JARID2: variants seen among roughly 807,000 people sequenced by gnomAD.
JARID2 encodes the protein jumonji and AT-rich interaction domain containing 2, also known as protein Jumonji.
In JARID2, 21 loss-of-function variants were observed where a neutral mutation model predicts 125.6. That is an observed-to-expected ratio of 0.17 (90% confidence interval 0.12 to 0.24). The LOEUF (loss-of-function observed/expected upper bound fraction) is 0.24. Among genes scored for constraint, JARID2 ranks in the 10% least tolerant of loss-of-function variants. JARID2 has a pLI of 1.00. For missense variants in JARID2, 1,303 were observed against 1,639.6 expected, an observed-to-expected ratio of 0.79 and a Z score of 3.55; for synonymous variants, 736 against 661.6, an observed-to-expected ratio of 1.11 and a Z score of -1.73.
At chr6:15,279,280 C>T (rs1311712431) in intron 1 of JARID2, among the ~76,000 whole-genome samples, 3 of 152,180 alleles carry the variant, frequency 2.0e-5, no homozygotes, top group African/African-American at 7.2e-5. Context: ...GTATTTTCAA[C>T]ATTAGTGAAA....
At chr6:15,499,521 G>A (rs891462928) in intron 7 of JARID2, among the ~76,000 whole-genome samples, 28 of 152,182 alleles carry the variant, frequency 1.8e-4, no homozygotes, top group Admixed American at 1.6e-3. Context: ...TGAGTCACTC[G>A]GACGGTGGAG....
At chr6:15,366,527 T>A (rs1174765001) in intron 1 of JARID2, among the ~76,000 whole-genome samples, 9 of 29,020 alleles carry the variant, frequency 3.1e-4, no homozygotes, top group South Asian at 1.6e-3. Context: ...GCGGGGGGGG[T>A]GGGGGGTGGG....
intron 2 of JARID2, among the ~76,000 whole-genome samples, chr6:15,400,195 G>A (rs986388337): frequency 6.6e-6 from 1 of 152,074 alleles, no homozygotes; most frequent in Admixed American, 6.5e-5. Flanking sequence ...GCGCAGGGCA[G>A]GGGGAGGGGT....
chr6:15,357,299 G>T (rs1763636422), intron 1 of JARID2, among the ~76,000 whole-genome samples: 1 of 152,212 alleles, frequency 6.6e-6, no homozygotes, highest in Non-Finnish European at 1.5e-5. Context: ...TTTTACAACA[G>T]TGCAACTTTG....
chr6:15,484,451 T>G (rs1769769956), intron 5 of JARID2, among the ~76,000 whole-genome samples: 1 of 152,210 alleles, frequency 6.6e-6, no homozygotes, highest in South Asian at 2.1e-4. Flanking sequence ...TTATACTCTG[T>G]CTGCAGGGAG....
intron 2 of JARID2, among the ~76,000 whole-genome samples, chr6:15,382,934 C>T (rs1435787314): frequency 2.0e-5 from 3 of 152,114 alleles, no homozygotes; most frequent in Non-Finnish European, 2.9e-5. Flanking sequence ...CAATCCTGGA[C>T]GACTTTAGGA....
At chr6:15,514,582 G>A (rs1477511104) in intron 16 of JARID2, among the ~76,000 whole-genome samples, 2 of 152,180 alleles carry the variant, frequency 1.3e-5, no homozygotes, top group African/African-American at 4.8e-5. Context: ...GAGTCCTGGC[G>A]TGCCCTGTAG....
chr6:15,413,002 GT>G (rs745910520), intron 3 of JARID2, among the ~76,000 whole-genome samples: 2 of 46,528 alleles, frequency 4.3e-5, no homozygotes, highest in Admixed American at 2.8e-4. Flanking sequence ...AAGAGCTTGT[GT>G]TTTTGTTTTT....
chr6:15,253,573 T>G (rs1256319718), intron 1 of JARID2, among the ~76,000 whole-genome samples: 1 of 152,116 alleles, frequency 6.6e-6, no homozygotes, highest in Non-Finnish European at 1.5e-5. Flanking sequence ...AGATCATTCC[T>G]GCGTGAGCAG....
Position 15,300,722 on chromosome 6 carries a change from T to TGTGA in JARID2, c.45+54139_45+54140insTGAG, listed in dbSNP as rs1246745065. Among the ~76,000 whole-genome samples the TGTGA allele has an allele frequency of 9.6e-3, 1,062 of 111,032 alleles. 12 individuals carry two copies. Among genetic ancestry groups the TGTGA allele is most frequent in the East Asian group, 0.041 (170 of 4,110 alleles). 72.8% of individuals were successfully genotyped at this position (111,032 alleles called of 152,430 possible). A position where few individuals can be genotyped will look rare whatever the true frequency, so the allele number is the denominator to read the frequency against. On this transcript the variant is annotated intron_variant, in intron 1 of 17. Coordinates refer to ENST00000341776, the MANE Select transcript of JARID2 (RefSeq NM_004973.4). ...GTGTGTGTGTGTGTGTGTGTGTGTG[T>TGTGA]GAGAGAGAGAGAGAGAGAGAGAGAG...
chr6:15,416,868 A>C (rs942826082), intron 3 of JARID2, among the ~76,000 whole-genome samples: 1 of 152,144 alleles, frequency 6.6e-6, no homozygotes, highest in African/African-American at 2.4e-5. Context: ...CTTCTTGTAA[A>C]GTGTGTATTT....
intron 5 of JARID2, among the ~76,000 whole-genome samples, chr6:15,474,470 T>G (rs967794345): frequency 6.6e-6 from 1 of 152,168 alleles, no homozygotes; most frequent in African/African-American, 2.4e-5. Flanking sequence ...CTTTTTTTTT[T>G]TTTTTTTAGC....
chr6:15,322,142 A>AGCTC (rs1762381892), intron 1 of JARID2, among the ~76,000 whole-genome samples: 1 of 152,206 alleles, frequency 6.6e-6, no homozygotes, highest in Admixed American at 6.5e-5. Flanking sequence ...AAATCTGCAT[A>AGCTC]GCTCCTGTTT....
intron 4 of JARID2, among the ~76,000 whole-genome samples, chr6:15,460,617 T>A (rs903863900): frequency 1.3e-5 from 2 of 152,244 alleles, no homozygotes; most frequent in African/African-American, 4.8e-5. Context: ...CATTGGGAAC[T>A]GAGGAAGGCC....
chr6:15,271,866 G>A (rs1437184605), intron 1 of JARID2, among the ~76,000 whole-genome samples: 1 of 152,200 alleles, frequency 6.6e-6, no homozygotes, highest in African/African-American at 2.4e-5. Flanking sequence ...TGGGCGTGGT[G>A]GTGTGTGCCT....
rs183378612 is a variant in JARID2 at position 15,262,069 on chromosome 6, C to T, written c.45+15485C>T. 2.5e-3 allele frequency among the ~76,000 whole-genome samples: 385 copies of T among 152,200 alleles called. 1 individual carries two copies. The highest frequency in any genetic ancestry group is 8.2e-3 in the African/African-American group (339 of 41,514). On this transcript the variant is annotated intron_variant, in intron 1 of 17. Transcript: ENST00000341776. ...TGCTGGGATTATAGGCGTGAGCCAC[C>T]GCGCCCGGCCCAGGGGATGGTTTTG... is the stretch of plus-strand genomic sequence containing the variant.
rs1384108875 is a variant in JARID2, at chr6:15,487,293, T to A, written c.671-14T>A. 6.2e-7 allele frequency: 1 copy of A among 1,609,294 alleles called. No homozygotes were observed. Among genetic ancestry groups the A allele is most frequent in the East Asian group, 2.2e-5 (1 of 44,810 alleles). On this transcript the variant is annotated splice_polypyrimidine_tract_variant and intron_variant, in intron 5 of 17. Transcript: ENST00000341776. ...AGGTAGTGATTTCATTCTTGTTTTC[T>A]CCTTCCTTTCTAGTTTTCAATGGTT...
At chr6:15,364,245 C>T (rs986126020) in intron 1 of JARID2, among the ~76,000 whole-genome samples, 1 of 152,150 alleles carries the variant, frequency 6.6e-6, no homozygotes, top group Admixed American at 6.5e-5. Flanking sequence ...CTTTCCATCA[C>T]CCACAGGGCC....
rs114737656 is a variant in JARID2 at position 15,294,873 on chromosome 6, G to A, written c.45+48289G>A. On this transcript the variant is annotated intron_variant, in intron 1 of 17. Coordinates refer to ENST00000341776, the MANE Select transcript of JARID2 (RefSeq NM_004973.4). ...CTCCTGGAAGATATCTGGGAACTTG[G>A]GACAGAGCAGGCATCCTGGAGCAGA... 3.8e-3 allele frequency among the ~76,000 whole-genome samples: 581 copies of A among 152,278 alleles called. 4 individuals carry two copies. Among genetic ancestry groups the A allele is most frequent in the Middle Eastern group, 0.031 (9 of 294 alleles).
Sources: allele counts gnomAD v4.1 joint callset (sites outside exome capture counted in the v4.1 genomes callset), GRCh38; gene constraint gnomAD v4.1.1; transcripts MANE v1.5; gene names NCBI Gene and HGNC (gene_info 2026-07-23, HGNC 2026-07-21).